CNIH3: variants seen among roughly 807,000 people sequenced by gnomAD.
CNIH3 encodes cornichon family AMPA receptor auxiliary protein 3.
A neutral mutation model predicts 24.1 loss-of-function variants in CNIH3; 14 were observed. That is an observed-to-expected ratio of 0.58 (90% CI 0.38 to 0.91). The LOEUF is 0.91. Among genes scored for constraint, CNIH3 ranks in the 40% least tolerant of loss-of-function variants. CNIH3 has a pLI of 0.00. For missense variants in CNIH3, 178 were observed against 196.8 expected (o/e 0.90, Z 0.57); for synonymous variants, 68 against 73.8 (o/e 0.92, Z 0.40).
chr1:224,478,665 G>A (rs114465026), intron 1 of CNIH3, among the ~76,000 whole-genome samples: 27 of 152,170 alleles, frequency 1.8e-4, no homozygotes, highest in African/African-American at 6.0e-4. Flanking sequence ...TATTTAGTTC[G>A]TTTGCTGAGG....
intron 3 of CNIH3, among the ~76,000 whole-genome samples, chr1:224,552,661 C>G (rs1259278969): frequency 6.6e-6 from 1 of 150,722 alleles, no homozygotes; most frequent in African/African-American, 2.4e-5. Context: ...TCCCTTAAAT[C>G]TTATGAATAA....
In CNIH3 at chr1:224,575,000, C is replaced by T. The variant is rs115252148; in HGVS notation, n.517-8164C>T. 3.1e-3 allele frequency: 2,698 copies of T among 873,762 alleles called. 8 individuals are homozygous for T. The highest frequency in any genetic ancestry group is 5.3e-3 in the Admixed American group (312 of 58,936). 54.1% of individuals were successfully genotyped at this position (873,762 alleles called of 1,614,324 possible). ...AGTAGGTGGTTAATCAGATTGAGTG[C>T]CACCCGTACCTCACTCAGGAGAAGT... On this transcript the variant is annotated intron_variant and non_coding_transcript_variant, in intron 4 of 5. Coordinates refer to the CNIH3 transcript ENST00000471578.
chr1:224,575,941 A>G (rs1681018735), intron 4 of CNIH3, among the ~76,000 whole-genome samples: 1 of 152,186 alleles, frequency 6.6e-6, no homozygotes, highest in African/African-American at 2.4e-5. Context: ...TACTCAAGCT[A>G]GTACATATAA....
intron 1 of CNIH3, among the ~76,000 whole-genome samples, chr1:224,658,351 T>A (rs75020109): frequency 6.6e-6 from 1 of 151,994 alleles, no homozygotes; most frequent in Non-Finnish European, 1.5e-5. Context: ...TTTTTTTTTT[T>A]GTAGAGGTGA....
chr1:224,472,543 A>G (rs1676414813), intron 1 of CNIH3, among the ~76,000 whole-genome samples: 2 of 152,194 alleles, frequency 1.3e-5, no homozygotes, highest in Non-Finnish European at 2.9e-5. Context: ...GGAATGGAAA[A>G]CCAAACATTA....
intron 3 of CNIH3, among the ~76,000 whole-genome samples, chr1:224,595,272 A>G (rs1455724641): frequency 3.3e-5 from 5 of 152,072 alleles, no homozygotes; most frequent in Admixed American, 2.0e-4. Flanking sequence ...TCTCAAACTC[A>G]TGGGCTCAAG....
intron 1 of CNIH3, among the ~76,000 whole-genome samples, chr1:224,618,846 A>G (rs1370511505): frequency 6.6e-6 from 1 of 152,232 alleles, no homozygotes; most frequent in African/African-American, 2.4e-5. Flanking sequence ...GGCTGGGTCT[A>G]ATCTATAGTA....
intron 1 of CNIH3, among the ~76,000 whole-genome samples, chr1:224,474,834 T>C (rs1676508311): frequency 1.3e-5 from 2 of 151,306 alleles, no homozygotes; most frequent in African/African-American, 4.9e-5. Context: ...GAGACCATCC[T>C]GACTAACACG....
chr1:224,673,181 C>T (rs969818125), intron 1 of CNIH3, among the ~76,000 whole-genome samples: 12 of 152,196 alleles, frequency 7.9e-5, no homozygotes, highest in Admixed American at 1.3e-4. Context: ...GTGGCCCCCT[C>T]GGTCATGTCC....
chr1:224,526,947 C>A (rs1678870386), intron 2 of CNIH3, among the ~76,000 whole-genome samples: 1 of 152,186 alleles, frequency 6.6e-6, no homozygotes. Context: ...AGAACTCACT[C>A]ACTATCACGA....
intron 1 of CNIH3, among the ~76,000 whole-genome samples, chr1:224,493,969 A>T (rs922917358): frequency 6.6e-6 from 1 of 152,236 alleles, no homozygotes; most frequent in African/African-American, 2.4e-5. Flanking sequence ...TTTAACTGAC[A>T]ATACACTTGA....
chr1:224,535,244 G>A (rs961759127), intron 2 of CNIH3, among the ~76,000 whole-genome samples: 2 of 152,120 alleles, frequency 1.3e-5, no homozygotes, highest in African/African-American at 4.8e-5. Context: ...ACAGAGACAC[G>A]CAGGGAGAAC....
chr1:224,600,507 T>A (rs1398608058), intron 3 of CNIH3, among the ~76,000 whole-genome samples: 2 of 152,252 alleles, frequency 1.3e-5, no homozygotes, highest in African/African-American at 4.8e-5. Context: ...TGGTATTTTT[T>A]AAAAGAGATG....
intron 1 of CNIH3, among the ~76,000 whole-genome samples, chr1:224,510,094 A>G (rs1678081137): frequency 6.6e-6 from 1 of 151,940 alleles, no homozygotes; most frequent in Non-Finnish European, 1.5e-5. Context: ...TGCACTTCTC[A>G]TCCTGCCTTG....
chr1:224,469,894 G>C (rs1020452775), intron 1 of CNIH3, among the ~76,000 whole-genome samples: 4 of 151,918 alleles, frequency 2.6e-5, no homozygotes, highest in African/African-American at 9.7e-5. Context: ...AAGTCTGGTA[G>C]TGATGAATTC....
intron 3 of CNIH3, among the ~76,000 whole-genome samples, chr1:224,596,503 A>G (rs1681986117): frequency 6.6e-6 from 1 of 152,228 alleles, no homozygotes; most frequent in Admixed American, 6.5e-5. Context: ...GCCTGCTTGC[A>G]CAACTCCATT....
At chr1:224,716,875 TA>T (rs1259221527) in intron 3 of CNIH3, among the ~76,000 whole-genome samples, 3 of 152,194 alleles carry the variant, frequency 2.0e-5, no homozygotes, top group African/African-American at 7.2e-5. Flanking sequence ...AGTGATGCCG[TA>T]AAGCTCCTCA....
chr1:224,582,413 C>G (rs1283291415), intron 4 of CNIH3, among the ~76,000 whole-genome samples: 1 of 151,896 alleles, frequency 6.6e-6, no homozygotes, highest in Non-Finnish European at 1.5e-5. Flanking sequence ...TAGAAAAGAA[C>G]AGAGCACGGT....
rs549948766 is a variant in CNIH3, at chr1:224,656,930, T to C, written c.82-24028T>C. ...CCAGCCCACTTCTGGGAGCTACTTG[T>C]ATCTTCAGCAGGGCAAGAGGCAAGA... On this transcript the variant is annotated intron_variant, in intron 1 of 5. Coordinates refer to ENST00000272133, the MANE Select transcript of CNIH3 (RefSeq NM_152495.2). 2.0e-5 allele frequency among the ~76,000 whole-genome samples: 3 copies of C among 152,386 alleles called. No individual in the cohort carries two copies. In the South Asian group the frequency reaches 6.2e-4, roughly 32 times the overall value.
Sources: gnomAD v4.1 joint callset for allele counts (sites outside exome capture counted in the v4.1 genomes callset) on GRCh38, gnomAD v4.1.1 for gene constraint, MANE v1.5 for transcripts, NCBI Gene and HGNC (gene_info 2026-07-23, HGNC 2026-07-21) for gene names.